KCND2: variants seen among roughly 807,000 people sequenced by gnomAD.
The protein encoded by KCND2 is potassium voltage-gated channel subfamily D member 2.
KCND2 carries 16 observed loss-of-function variants against 54.4 expected under a neutral mutation model. The observed-to-expected ratio is 0.29, with a 90% CI of 0.20 to 0.45. The LOEUF (loss-of-function observed/expected upper bound fraction) is 0.45. KCND2 is among the 20% of genes least tolerant of loss of function. The pLI is 1.00. For missense variants in KCND2, 486 were observed against 824.2 expected (o/e 0.59, Z 5.02); for synonymous variants, 317 against 310.7 (o/e 1.02, Z -0.21).
chr7:120,741,753 GT>G, intron 3 of KCND2, 124 bp downstream of exon 3: 1 of 754,658 alleles, frequency 1.3e-6, no homozygotes, highest in Non-Finnish European at 2.4e-6. Context: ...ACAAAAGTGT[GT>G]TTGTTTGTGT....
chr7:120,275,894 C>G (rs564959011), intron 1 of KCND2, 147 bp downstream of exon 1: 1 of 879,808 alleles, frequency 1.1e-6, no homozygotes. Flanking sequence ...TGGCAAAACT[C>G]TTTTCATCTG....
At chr7:120,593,807 C>G (rs888723376) in intron 1 of KCND2, among the ~76,000 whole-genome samples, 1 of 152,052 alleles carries the variant, frequency 6.6e-6, no homozygotes, top group African/African-American at 2.4e-5. Context: ...AGAAGGAAAT[C>G]AATCCTTTTG....
At chr7:120,333,349 T>C (rs1011758191) in intron 1 of KCND2, among the ~76,000 whole-genome samples, 2 of 152,118 alleles carry the variant, frequency 1.3e-5, no homozygotes, top group African/African-American at 4.8e-5. Context: ...AATGAGTTTT[T>C]GCTACTTGGC....
At chr7:120,327,718 T>G (rs1393729898) in intron 1 of KCND2, among the ~76,000 whole-genome samples, 1 of 152,006 alleles carries the variant, frequency 6.6e-6, no homozygotes, top group African/African-American at 2.4e-5. Context: ...TACATTATAG[T>G]GCATATTGTC....
chr7:120,460,554 C>G (rs528448425), intron 1 of KCND2, among the ~76,000 whole-genome samples: 1 of 144,128 alleles, frequency 6.9e-6, no homozygotes, highest in Non-Finnish European at 1.5e-5. Context: ...TTCCCCACCA[C>G]GGCCTTTTTT....
chr7:120,431,157 T>A (rs937120072), intron 1 of KCND2, among the ~76,000 whole-genome samples: 2 of 152,084 alleles, frequency 1.3e-5, no homozygotes, highest in African/African-American at 4.8e-5. Flanking sequence ...AAAGCACAAG[T>A]AAGAAGAAAT....
chr7:120,580,238 G>C (rs1416560604), intron 1 of KCND2, among the ~76,000 whole-genome samples: 2 of 152,158 alleles, frequency 1.3e-5, no homozygotes, highest in African/African-American at 4.8e-5. Flanking sequence ...ACACTAAATG[G>C]AATTTTAGTG....
At chr7:120,607,629 A>G (rs1406827131) in intron 1 of KCND2, among the ~76,000 whole-genome samples, 1 of 152,128 alleles carries the variant, frequency 6.6e-6, no homozygotes, top group African/African-American at 2.4e-5. Flanking sequence ...ATTATTCCCA[A>G]TGCAATAAAT....
chr7:120,489,427 T>C (rs1265602711), intron 1 of KCND2, among the ~76,000 whole-genome samples: 1 of 152,168 alleles, frequency 6.6e-6, no homozygotes, highest in Non-Finnish European at 1.5e-5. Context: ...TTCACTCAGT[T>C]GTTGGAGTTA....
intron 1 of KCND2, among the ~76,000 whole-genome samples, chr7:120,374,443 G>T (rs1411266931): frequency 6.6e-6 from 1 of 151,598 alleles, no homozygotes; most frequent in African/African-American, 2.4e-5. Context: ...TCGAACTAGG[G>T]TTAATTACGT....
intron 1 of KCND2, among the ~76,000 whole-genome samples, chr7:120,695,155 C>T (rs111632172): frequency 0.022 from 3,358 of 151,324 alleles, 53 homozygotes; most frequent in Non-Finnish European, 0.034. Flanking sequence ...TTATAAAAAT[C>T]GAAACAGAAA....
intron 1 of KCND2, among the ~76,000 whole-genome samples, chr7:120,383,541 C>G (rs189126335): frequency 3.0e-4 from 45 of 150,868 alleles, no homozygotes; most frequent in African/African-American, 9.9e-4. Flanking sequence ...AAAGTTTAGT[C>G]AAAAGTCACC....
intron 1 of KCND2, among the ~76,000 whole-genome samples, chr7:120,537,930 A>G (rs1024268883): frequency 3.3e-5 from 5 of 152,188 alleles, no homozygotes; most frequent in African/African-American, 1.2e-4. Flanking sequence ...TCACTTTATT[A>G]TCATTCATGA....
intron 1 of KCND2, among the ~76,000 whole-genome samples, chr7:120,290,056 G>T (rs911687844): frequency 6.6e-6 from 1 of 151,976 alleles, no homozygotes; most frequent in Non-Finnish European, 1.5e-5. Flanking sequence ...CTCAATATGC[G>T]TGCTGACAAA....
intron 1 of KCND2, among the ~76,000 whole-genome samples, chr7:120,631,725 T>C (rs1198727026): frequency 6.6e-6 from 1 of 152,166 alleles, no homozygotes; most frequent in Non-Finnish European, 1.5e-5. Context: ...CAAGTAATTT[T>C]ATATGTACAT....
chr7:120,575,420 A>G (rs35313868), intron 1 of KCND2, among the ~76,000 whole-genome samples: 35,481 of 152,012 alleles, frequency 0.23, 5,296 homozygotes, highest in South Asian at 0.38. Flanking sequence ...TAATCCTTCC[A>G]CGTTCCTATG....
intron 1 of KCND2, among the ~76,000 whole-genome samples, chr7:120,318,502 A>G (rs1302084786): frequency 6.6e-6 from 1 of 152,146 alleles, no homozygotes; most frequent in African/African-American, 2.4e-5. Flanking sequence ...AATAAATTAT[A>G]ACATCAGTCA....
At chr7:120,354,751 C>T (rs560197239) in intron 1 of KCND2, among the ~76,000 whole-genome samples, 27 of 152,126 alleles carry the variant, frequency 1.8e-4, no homozygotes, top group East Asian at 5.8e-4. Flanking sequence ...CAGAGGGAGA[C>T]GCTGCCTCCA....
At chr7:120,575,078 CGTATCTAATA>C (rs1489694697) in intron 1 of KCND2, among the ~76,000 whole-genome samples, 15 of 151,840 alleles carry the variant, frequency 9.9e-5, no homozygotes, top group African/African-American at 3.6e-4. Context: ...GATAGATATT[CGTATCTAATA>C]GTATCTAATA....
Sources: allele counts gnomAD v4.1 joint callset (sites outside exome capture counted in the v4.1 genomes callset), GRCh38; gene constraint gnomAD v4.1.1; transcripts MANE v1.5; gene names NCBI Gene and HGNC (gene_info 2026-07-23, HGNC 2026-07-21).